Variants in EEPD1 observed in about 807,000 individuals in gnomAD.
EEPD1 encodes the protein endonuclease/exonuclease/phosphatase family domain containing 1, also known as endonuclease/exonuclease/phosphatase family domain-containing protein 1.
EEPD1 carries 17 observed loss-of-function variants against 46.3 expected under a neutral mutation model. The observed-to-expected ratio is 0.37, with a 90% confidence interval of 0.25 to 0.55. EEPD1 has a LOEUF of 0.55. Among genes scored for constraint, EEPD1 ranks in the 20% least tolerant of loss-of-function variants. The probability of loss-of-function intolerance (pLI) is 0.83; values close to 1 mark genes in which losing one functional copy is unlikely to be tolerated. For missense variants in EEPD1, 673 were observed against 745.6 expected (o/e 0.90, Z 1.13); for synonymous variants, 313 against 315.6 (o/e 0.99, Z 0.09).
At chr7:36,272,506 G>GTTTTTTT (rs111825287) in intron 3 of EEPD1, among the ~76,000 whole-genome samples, 2 of 130,526 alleles carry the variant, frequency 1.5e-5, no homozygotes, top group African/African-American at 2.8e-5. Flanking sequence ...TTTTGTTGTT[G>GTTTTTTT]TTTTTTTTTT....
chr7:36,154,334 A>G lies in EEPD1; in HGVS notation c.10A>G (p.Thr4Ala). MGS[T>A]LGCHRSIPRD... ...CTGATCCTGGCGGACCATGGGGAGC[A>G]CCCTGGGCTGCCACCGCTCCATCCC... Residue 4 changes from threonine to alanine, a missense_variant, in exon 2 of 8, where the codon ACC becomes GCC. Transcript: ENST00000242108. The surrounding 1 kb of genome is among the most constrained non-coding windows in gnomAD (Gnocchi z 4.2). 5.0e-6 allele frequency: 8 copies of G among 1,608,980 alleles called. No individual in the cohort carries two copies. Among genetic ancestry groups the G allele is most frequent in the Non-Finnish European group, 6.8e-6 (8 of 1,179,562 alleles).
At chr7:36,157,013 G>A (rs1159772433) in intron 2 of EEPD1, among the ~76,000 whole-genome samples, 5 of 151,976 alleles carry the variant, frequency 3.3e-5, no homozygotes, top group Non-Finnish European at 7.4e-5. Flanking sequence ...TGAACATGTC[G>A]AGTTTTTTCT....
At chr7:36,252,757 C>G (rs1411123050) in intron 3 of EEPD1, among the ~76,000 whole-genome samples, 1 of 151,630 alleles carries the variant, frequency 6.6e-6, no homozygotes, top group Non-Finnish European at 1.5e-5. Context: ...ATGGTACGCC[C>G]CAGACTGTGG....
At chr7:36,245,314 G>A (rs1387672888) in intron 3 of EEPD1, among the ~76,000 whole-genome samples, 2 of 152,090 alleles carry the variant, frequency 1.3e-5, no homozygotes. Context: ...CAGTTTTCTC[G>A]TATTTTCTCC....
In EEPD1 at chr7:36,297,161, G is replaced by C; in HGVS notation, c.1484G>C (p.Ser495Thr). The C allele has an allele frequency of 4.3e-6, 7 of 1,614,176 alleles. No individual in the cohort carries two copies. The highest frequency in any genetic ancestry group is 5.9e-6 in the Non-Finnish European group (7 of 1,180,034). The change falls in exon 7 of 8, where the codon AGT becomes ACT. Residue 495 changes from serine (S) to threonine (T), a missense_variant. Coordinates refer to ENST00000242108, the MANE Select transcript of EEPD1 (RefSeq NM_030636.3). ...AAGTCTCTGGACAACATCTGGATCAGTAAAAGCTTAAAGAAGGTTTTCACA... is the reference window on the plus strand; with the variant it reads ...AAGTCTCTGGACAACATCTGGATCACTAAAAGCTTAAAGAAGGTTTTCACA... ...GSKSLDNIWI[S>T]KSLKKVFTGH...
chr7:36,194,434 G>A (rs1785539237), intron 2 of EEPD1, among the ~76,000 whole-genome samples: 1 of 152,190 alleles, frequency 6.6e-6, no homozygotes, highest in Non-Finnish European at 1.5e-5. Context: ...TCTCCAAGAT[G>A]AGTGTGTTTC....
intron 4 of EEPD1, among the ~76,000 whole-genome samples, chr7:36,284,421 G>T (rs564503630): frequency 1.6e-4 from 25 of 152,218 alleles, no homozygotes; most frequent in Non-Finnish European, 3.2e-4. Flanking sequence ...CCTAGCCGGG[G>T]CTTCACCCAC....
intron 2 of EEPD1, among the ~76,000 whole-genome samples, chr7:36,185,041 A>G (rs772713660): frequency 6.6e-6 from 1 of 152,198 alleles, no homozygotes; most frequent in Non-Finnish European, 1.5e-5. Flanking sequence ...TAAAATATAA[A>G]GAATTAATGA....
At chr7:36,278,724 A>G (rs2115865317) in intron 3 of EEPD1, among the ~76,000 whole-genome samples, 1 of 152,288 alleles carries the variant, frequency 6.6e-6, no homozygotes, top group African/African-American at 2.4e-5. Flanking sequence ...TGTGAAGTAC[A>G]TTTCCTTGCA....
At chr7:36,228,070 C>A (rs1024243638) in intron 2 of EEPD1, among the ~76,000 whole-genome samples, 1 of 152,114 alleles carries the variant, frequency 6.6e-6, no homozygotes, top group Admixed American at 6.5e-5. Context: ...CACAGTGAGA[C>A]CCCCATCTCT....
intron 2 of EEPD1, among the ~76,000 whole-genome samples, chr7:36,206,954 C>T (rs575847715): frequency 7.9e-5 from 12 of 152,284 alleles, no homozygotes; most frequent in African/African-American, 2.9e-4. Context: ...GAGGCTGAGG[C>T]AGAAGAATTG....
intron 2 of EEPD1, among the ~76,000 whole-genome samples, chr7:36,155,870 T>C (rs1784816817): frequency 6.6e-6 from 1 of 151,706 alleles, no homozygotes; most frequent in Non-Finnish European, 1.5e-5. Context: ...AAGAAAAGAG[T>C]CCAGTAGGAT....
intron 2 of EEPD1, among the ~76,000 whole-genome samples, chr7:36,161,838 G>A (rs1240064354): frequency 2.0e-5 from 3 of 149,094 alleles, no homozygotes; most frequent in Non-Finnish European, 3.0e-5. Context: ...AGGTTGTGGT[G>A]AACTGTGATC....
chr7:36,203,360 C>G (rs4720199), intron 2 of EEPD1, among the ~76,000 whole-genome samples: 20,320 of 152,176 alleles, frequency 0.13, 1,394 homozygotes, highest in Middle Eastern at 0.19. Context: ...TGTTCATTTT[C>G]TTTCCTTTCC....
chr7:36,172,193 T>C (rs148364622), intron 2 of EEPD1, among the ~76,000 whole-genome samples: 171 of 152,298 alleles, frequency 1.1e-3, no homozygotes, highest in African/African-American at 3.8e-3. Flanking sequence ...TGTTATAATG[T>C]TGGGCGTGTT....
At chr7:36,203,186 C>T (rs746103788) in intron 2 of EEPD1, among the ~76,000 whole-genome samples, 2 of 152,138 alleles carry the variant, frequency 1.3e-5, no homozygotes, top group South Asian at 2.1e-4. Context: ...TGCTGCTCCT[C>T]GTGGCAGGGC....
At chr7:36,295,999 C>G (rs1484092499) in intron 6 of EEPD1, among the ~76,000 whole-genome samples, 1 of 125,328 alleles carries the variant, frequency 8.0e-6, no homozygotes, top group Non-Finnish European at 1.6e-5. Flanking sequence ...CCACTGCACT[C>G]CAGCCCGGCC....
chr7:36,221,971 A>G (rs2115747525), intron 2 of EEPD1, among the ~76,000 whole-genome samples: 1 of 152,188 alleles, frequency 6.6e-6, no homozygotes, highest in African/African-American at 2.4e-5. Context: ...ATACTCCCTT[A>G]CCTGGCTTTA....
At chr7:36,207,888 GTTTT>G (rs35062290) in intron 2 of EEPD1, among the ~76,000 whole-genome samples, 6 of 122,178 alleles carry the variant, frequency 4.9e-5, no homozygotes, top group Admixed American at 1.7e-4. Context: ...CAGTGCAGGA[GTTTT>G]TTTTTTTTTT....
Sources: gnomAD v4.1 joint callset for allele counts (sites outside exome capture counted in the v4.1 genomes callset) on GRCh38, gnomAD v4.1.1 for gene constraint, Gnocchi (gnomAD v3.1) non-coding constraint, MANE v1.5 for transcripts, NCBI Gene and HGNC (gene_info 2026-07-23, HGNC 2026-07-21) for gene names.